The following SYT14 variants were observed in gnomAD, a reference collection of about 807,000 sequenced individuals.
SYT14 encodes the protein synaptotagmin-14.
Under a neutral mutation model 74.2 loss-of-function variants are expected in SYT14, and 32 were observed. The ratio of observed to expected loss-of-function variants is 0.43; its 90% CI spans 0.33 to 0.58. The LOEUF (loss-of-function observed/expected upper bound fraction) is 0.58, where lower values mean the gene tolerates loss of function less well. SYT14 is among the 20% of genes least tolerant of loss of function. The pLI, the probability that SYT14 is intolerant of heterozygous loss-of-function variation, is 0.05. For missense variants in SYT14, 791 were observed against 981.8 expected (o/e 0.81, Z 2.60); for synonymous variants, 298 against 337.7 (o/e 0.88, Z 1.29).
intron 2 of SYT14, among the ~76,000 whole-genome samples, chr1:209,974,861 G>A (rs374361141): frequency 3.9e-5 from 6 of 152,076 alleles, no homozygotes; most frequent in East Asian, 1.9e-4. Context: ...ATGTTCTTCC[G>A]TTTGTTTGTA....
intron 7 of SYT14, among the ~76,000 whole-genome samples, chr1:210,127,189 T>A (rs2082585521): frequency 6.6e-6 from 1 of 152,152 alleles, no homozygotes; most frequent in Admixed American, 6.6e-5. Flanking sequence ...CACTAAAGAT[T>A]CTAGGAGAAC....
In SYT14 at chr1:210,126,355, A is replaced by AAT. The variant is rs1238595579; in HGVS notation, c.2034+25895_2034+25896insTA. ...CCTTAATTTATGGCCAAAAAAAAAA[A>AAT]AATGCATAGAAAGGTTAACTGAATT... On this transcript the variant is annotated intron_variant, in intron 7 of 9. Coordinates refer to ENST00000637265, the Ensembl canonical transcript of SYT14. Among the ~76,000 whole-genome samples the AAT allele has an allele frequency of 3.3e-5, 5 of 152,162 alleles. No homozygotes were observed. The East Asian group carries it at 9.7e-4, about 29-fold the overall frequency.
chr1:210,069,390 A>G (rs2081353683), intron 5 of SYT14, among the ~76,000 whole-genome samples: 1 of 151,908 alleles, frequency 6.6e-6, no homozygotes, highest in Non-Finnish European at 1.5e-5. Context: ...TTCCACTATG[A>G]TTGTAGATTT....
intron 2 of SYT14, among the ~76,000 whole-genome samples, chr1:210,011,340 C>T (rs1260962156): frequency 6.6e-6 from 1 of 152,150 alleles, no homozygotes; most frequent in Non-Finnish European, 1.5e-5. Context: ...ACCTTAGCTT[C>T]TTTTATTAAA....
intron 5 of SYT14, among the ~76,000 whole-genome samples, chr1:210,039,407 G>A (rs1297832318): frequency 6.6e-6 from 1 of 151,992 alleles, no homozygotes; most frequent in Non-Finnish European, 1.5e-5. Flanking sequence ...AGACTTAAAC[G>A]TAAGACCTAA....
chr1:210,161,258 G>A (rs1475063302), exon 10 of SYT14: 9 of 663,242 alleles, frequency 1.4e-5, no homozygotes, highest in South Asian at 9.0e-5. Context: ...ACTGAGAAAC[G>A]TACACTATCA....
At chr1:209,953,151 G>A (rs1359997063) in intron 2 of SYT14, 7 of 1,290,738 alleles carry the variant, frequency 5.4e-6, no homozygotes, top group Admixed American at 4.6e-5. Flanking sequence ...AATTCAAATC[G>A]GGAACATATC....
chr1:210,129,843 A>C (rs2082637906), intron 7 of SYT14, among the ~76,000 whole-genome samples: 1 of 152,224 alleles, frequency 6.6e-6, no homozygotes, highest in African/African-American at 2.4e-5. Flanking sequence ...GAGAGTCTTC[A>C]AAGTAAAGAT....
intron 2 of SYT14, among the ~76,000 whole-genome samples, chr1:209,976,031 T>C (rs960368393): frequency 8.5e-5 from 13 of 152,228 alleles, no homozygotes; most frequent in African/African-American, 3.1e-4. Context: ...TTTGTATTTC[T>C]GTGGGATTGG....
rs879873358 is a variant in SYT14 at position 210,098,174 on chromosome 1, C to CA, written c.1585-1822dup. On this transcript the variant is annotated intron_variant, in intron 6 of 9. Transcript: ENST00000637265. Reference sequence around the variant, plus strand: ...TGGTAAACAAAGAAAGACCCTGTGTCAAAAAAAAAAAAAAAATTAAGGACT... The same window carrying CA: ...TGGTAAACAAAGAAAGACCCTGTGTCAAAAAAAAAAAAAAAAATTAAGGACT... Among the ~76,000 whole-genome samples, 580 of 119,940 alleles carry CA rather than the reference C, an allele frequency of 4.8e-3. 2 individuals carry two copies. The highest frequency in any genetic ancestry group is 0.012 in the Middle Eastern group (3 of 242). 78.7% of individuals were successfully genotyped at this position (119,940 alleles called of 152,430 possible). A position where few individuals can be genotyped will look rare whatever the true frequency, so the allele number is the denominator to read the frequency against.
chr1:209,938,652 CG>C, intron 1 of SYT14, among the ~76,000 whole-genome samples: 1 of 152,088 alleles, frequency 6.6e-6, no homozygotes, highest in Non-Finnish European at 1.5e-5. Context: ...CGAGGGGCCA[CG>C]GGGGGCTCAG....
At chr1:209,945,970 C>A (rs1339600360) in intron 1 of SYT14, among the ~76,000 whole-genome samples, 1 of 151,998 alleles carries the variant, frequency 6.6e-6, no homozygotes, top group Non-Finnish European at 1.5e-5. Context: ...TTTGGTAATT[C>A]TTGTTATATT....
chr1:210,015,875 G>A (rs2080173282), exon 4 of SYT14: 1 of 1,219,612 alleles, frequency 8.2e-7, no homozygotes, highest in Non-Finnish European at 1.0e-6. Flanking sequence ...AAGCTACAAT[G>A]TGAATTGCTA....
At chr1:210,066,122 A>G (rs1463906078) in intron 5 of SYT14, among the ~76,000 whole-genome samples, 6 of 151,764 alleles carry the variant, frequency 4.0e-5, no homozygotes, top group Admixed American at 2.6e-4. Flanking sequence ...AATCCAGTCT[A>G]TCATTGTTGG....
intron 5 of SYT14, among the ~76,000 whole-genome samples, chr1:210,090,809 C>T (rs1370407038): frequency 6.6e-6 from 1 of 151,754 alleles, no homozygotes; most frequent in Non-Finnish European, 1.5e-5. Context: ...ACATTTAAGC[C>T]AACTCTTAGT....
Position 210,057,597 on chromosome 1 carries a change from T to C in SYT14, c.1312+36343T>C, listed in dbSNP as rs2081124435. 2.0e-5 allele frequency among the ~76,000 whole-genome samples: 3 copies of C among 152,252 alleles called. No individual in the cohort carries two copies. In the South Asian group the frequency reaches 6.2e-4, roughly 32 times the overall value. ...ATTTAATAAATCAATAATTTTTTTA[T>C]TTAATTGGAACAAAGTTATGAACTT... On this transcript the variant is annotated intron_variant, in intron 5 of 9. Transcript: ENST00000637265.
chr1:210,145,492 T>C (rs1389392998), intron 7 of SYT14, among the ~76,000 whole-genome samples: 1 of 152,176 alleles, frequency 6.6e-6, no homozygotes, highest in Non-Finnish European at 1.5e-5. Context: ...TGCTGAATGA[T>C]AGGCACTGTA....
intron 7 of SYT14, among the ~76,000 whole-genome samples, chr1:210,146,956 A>G (rs1240362287): frequency 6.6e-6 from 1 of 151,988 alleles, no homozygotes; most frequent in Non-Finnish European, 1.5e-5. Context: ...AGCCAAACTT[A>G]GGCTATACAA....
intron 5 of SYT14, among the ~76,000 whole-genome samples, chr1:210,030,132 TTTTTTGTTTTTG>T (rs112355766): frequency 1.8e-4 from 28 of 151,492 alleles, no homozygotes; most frequent in East Asian, 3.9e-4. Flanking sequence ...TTTATTAGTT[TTTTTTGTTTTTG>T]TTTTTGTTTT....
Sources: allele counts gnomAD v4.1 joint callset (sites outside exome capture counted in the v4.1 genomes callset), GRCh38; gene constraint gnomAD v4.1.1; transcripts MANE v1.5; gene names NCBI Gene and HGNC (gene_info 2026-07-23, HGNC 2026-07-21).